The following DOCK1 variants were observed in gnomAD, a reference collection of about 807,000 sequenced individuals.
DOCK1 encodes the protein dedicator of cytokinesis protein 1.
Under a neutral mutation model 262.7 loss-of-function variants are expected in DOCK1, and 138 were observed. The observed-to-expected ratio is 0.53, with a 90% CI of 0.46 to 0.61. The LOEUF (loss-of-function observed/expected upper bound fraction) is 0.61. DOCK1 is among the 20% of genes least tolerant of loss of function. DOCK1 has a pLI of 0.00. For synonymous variants in DOCK1, 866 were observed against 867.4 expected (o/e 1.00, Z 0.03); for missense variants, 1,908 against 2,370.7 (o/e 0.80, Z 4.05).
At chr10:127,290,380 A>G (rs2061309251) in intron 29 of DOCK1, among the ~76,000 whole-genome samples, 1 of 152,170 alleles carries the variant, frequency 6.6e-6, no homozygotes, top group Non-Finnish European at 1.5e-5. Context: ...AGGTCGTGGT[A>G]GTTTTGAGTG....
chr10:127,324,702 A>T (rs2062683423), intron 29 of DOCK1, among the ~76,000 whole-genome samples: 1 of 152,098 alleles, frequency 6.6e-6, no homozygotes, highest in South Asian at 2.1e-4. Flanking sequence ...ACCAGGTTAT[A>T]ATCAAAGAAA....
intron 27 of DOCK1, among the ~76,000 whole-genome samples, chr10:127,131,928 A>C (rs1340507119): frequency 2.0e-5 from 3 of 152,254 alleles, no homozygotes; most frequent in Admixed American, 2.0e-4. Flanking sequence ...AATCACTGAA[A>C]ATGAGTTTTT....
In DOCK1 at chr10:127,186,504, ACCGCCCCCCCG is replaced by A. The variant is rs1407264683; in HGVS notation, c.2847+58743_2847+58753del. ...CAATCATGATAACAGCATGGGAGAAACCGCCCCCCCGCCCCCCCCCGATCCAGTTACCTCCA... is the reference window on the plus strand; with the variant it reads ...CAATCATGATAACAGCATGGGAGAAACCCCCCCCCGATCCAGTTACCTCCA... On this transcript the variant is annotated intron_variant, in intron 27 of 51. Transcript: ENST00000623213. Among the ~76,000 whole-genome samples, 43 of 8,980 alleles carry A rather than the reference ACCGCCCCCCCG, an allele frequency of 4.8e-3. 10 individuals are homozygous for A. Among genetic ancestry groups the A allele is most frequent in the Middle Eastern group, 0.059 (2 of 34 alleles). 5.9% of individuals were successfully genotyped at this position (8,980 alleles called of 152,430 possible).
Position 127,070,545 on chromosome 10 carries a change from C to A in DOCK1, c.2445+8769C>A, listed in dbSNP as rs74158605. ...GGGATTATAGGTGTGACCCACTGCA[C>A]CTGGCCTGAACGTAACCTTTTGAAG... On this transcript the variant is annotated intron_variant, in intron 23 of 51. Coordinates refer to ENST00000623213, the MANE Select transcript of DOCK1 (RefSeq NM_001290223.2). Among the ~76,000 whole-genome samples the A allele has an allele frequency of 7.7e-3, 1,165 of 152,086 alleles. 21 individuals carry two copies. The highest frequency in any genetic ancestry group is 0.026 in the African/African-American group (1,086 of 41,480).
intron 11 of DOCK1, among the ~76,000 whole-genome samples, chr10:127,011,894 T>C (rs551964094): frequency 2.6e-5 from 4 of 152,294 alleles, no homozygotes; most frequent in African/African-American, 7.2e-5. Context: ...ATAAACATTC[T>C]TTGGGATTAA....
intron 5 of DOCK1, among the ~76,000 whole-genome samples, chr10:126,988,889 A>G (rs967203226): frequency 2.0e-5 from 3 of 152,120 alleles, no homozygotes; most frequent in Non-Finnish European, 4.4e-5. Context: ...CCCGGCCAAC[A>G]TGGTGAAACC....
intron 28 of DOCK1, among the ~76,000 whole-genome samples, chr10:127,255,538 A>G (rs1590145062): frequency 6.6e-6 from 1 of 152,192 alleles, no homozygotes; most frequent in South Asian, 2.1e-4. Context: ...CTCAAGGCAA[A>G]CACAGTTGTT....
chr10:127,091,327 A>G (rs1276324956), intron 23 of DOCK1, among the ~76,000 whole-genome samples: 1 of 152,124 alleles, frequency 6.6e-6, no homozygotes, highest in Non-Finnish European at 1.5e-5. Flanking sequence ...CGAGGAGTGA[A>G]ACTGCTGGGT....
chr10:127,436,015 A>G (rs1228421924), intron 48 of DOCK1, among the ~76,000 whole-genome samples: 1 of 152,178 alleles, frequency 6.6e-6, no homozygotes, highest in Non-Finnish European at 1.5e-5. Flanking sequence ...TTTCTTACCT[A>G]CATTATCTCA....
At chr10:127,196,306 T>G (rs1017999589) in intron 27 of DOCK1, 1 of 148,500 alleles carries the variant, frequency 6.7e-6, no homozygotes, top group Non-Finnish European at 1.5e-5. Flanking sequence ...CTGGGCCAGC[T>G]CCGGGGACGC....
At chr10:127,075,182 A>G (rs867246338) in intron 23 of DOCK1, among the ~76,000 whole-genome samples, 41 of 147,674 alleles carry the variant, frequency 2.8e-4, no homozygotes, top group Non-Finnish European at 3.8e-4. Flanking sequence ...AAAAAAAAAA[A>G]AAAAAAAAAA....
chr10:127,115,066 T>C (rs568072448), intron 25 of DOCK1, among the ~76,000 whole-genome samples: 1 of 152,322 alleles, frequency 6.6e-6, no homozygotes, highest in East Asian at 1.9e-4. Flanking sequence ...GTCCATCTTT[T>C]CTTATCTATA....
chr10:127,208,064 G>A (rs1274869588), intron 27 of DOCK1, among the ~76,000 whole-genome samples: 2 of 152,156 alleles, frequency 1.3e-5, no homozygotes, highest in African/African-American at 2.4e-5. Context: ...ATCCTATCAA[G>A]AATTACTTCT....
chr10:127,392,052 C>T (rs1055529792), intron 38 of DOCK1, among the ~76,000 whole-genome samples: 2 of 89,344 alleles, frequency 2.2e-5, no homozygotes, highest in Non-Finnish European at 5.2e-5. Context: ...TGAACATGCC[C>T]TCTGTTCCCC....
At chr10:127,290,649 T>C (rs1482828974) in intron 29 of DOCK1, among the ~76,000 whole-genome samples, 1 of 152,226 alleles carries the variant, frequency 6.6e-6, no homozygotes, top group Non-Finnish European at 1.5e-5. Flanking sequence ...TTTTTCACCG[T>C]ATGAATGTTA....
intron 30 of DOCK1, among the ~76,000 whole-genome samples, chr10:127,342,559 A>G (rs1180624579): frequency 6.6e-6 from 1 of 152,334 alleles, no homozygotes; most frequent in Non-Finnish European, 1.5e-5. Flanking sequence ...TGTTGGATAA[A>G]TGCAAGCCCA....
chr10:126,912,232 C>A (rs182592266), intron 1 of DOCK1, among the ~76,000 whole-genome samples: 1 of 152,000 alleles, frequency 6.6e-6, no homozygotes, highest in Admixed American at 6.6e-5. Flanking sequence ...GGTTAGAGAC[C>A]AGCCTGGCCA....
chr10:126,960,063 C>CT (rs2037078128), intron 1 of DOCK1, among the ~76,000 whole-genome samples: 1 of 152,154 alleles, frequency 6.6e-6, no homozygotes, highest in East Asian at 1.9e-4. Flanking sequence ...CCGCTTGGGG[C>CT]TTACAGGCAC....
At chr10:127,009,653 A>G (rs1384558864) in intron 11 of DOCK1, among the ~76,000 whole-genome samples, 2 of 152,208 alleles carry the variant, frequency 1.3e-5, no homozygotes, top group Non-Finnish European at 2.9e-5. Context: ...AGTGCTCTGC[A>G]GTTTCACTTT....
Sources: gnomAD v4.1 joint callset for allele counts (sites outside exome capture counted in the v4.1 genomes callset) on GRCh38, gnomAD v4.1.1 for gene constraint, MANE v1.5 for transcripts, NCBI Gene and HGNC (gene_info 2026-07-23, HGNC 2026-07-21) for gene names.